MTOR: variants seen among roughly 807,000 people sequenced by gnomAD.
The protein encoded by MTOR is mechanistic target of rapamycin kinase.
MTOR carries 70 observed loss-of-function variants against 319.8 expected under a neutral mutation model. The ratio of observed to expected loss-of-function variants is 0.22; its 90% CI spans 0.18 to 0.27. The LOEUF is 0.27. Ranked by LOEUF, MTOR falls within the 10% of genes least tolerant of loss-of-function variation. The pLI, the probability that MTOR is intolerant of heterozygous loss-of-function variation, is 1.00. For synonymous variants in MTOR, 1,183 were observed against 1,211.4 expected (o/e 0.98, Z 0.49); for missense variants, 1,890 against 3,274.4 (o/e 0.58, Z 10.32).
intron 28 of MTOR, among the ~76,000 whole-genome samples, chr1:11,192,981 G>C (rs1645609913): frequency 6.6e-6 from 1 of 151,868 alleles, no homozygotes; most frequent in Non-Finnish European, 1.5e-5. Context: ...CTATTCCTTG[G>C]GGGAGGAGAA....
intron 47 of MTOR, among the ~76,000 whole-genome samples, chr1:11,124,222 G>T (rs1642697146): frequency 1.3e-5 from 2 of 152,278 alleles, no homozygotes; most frequent in African/African-American, 4.8e-5. Flanking sequence ...GAGCCACCAT[G>T]CCCAGCCTTT....
intron 19 of MTOR, among the ~76,000 whole-genome samples, chr1:11,222,189 A>ATT (rs200151601): frequency 6.8e-6 from 1 of 146,762 alleles, no homozygotes; most frequent in African/African-American, 2.6e-5. Context: ...TTTAAAATTT[A>ATT]TTTAAAAAAA....
At chr1:11,214,577 A>G (rs1305479036) in intron 20 of MTOR, among the ~76,000 whole-genome samples, 2 of 152,276 alleles carry the variant, frequency 1.3e-5, no homozygotes, top group East Asian at 1.9e-4. Flanking sequence ...GTAGAAGTCC[A>G]TAACAACAAG....
intron 19 of MTOR, among the ~76,000 whole-genome samples, chr1:11,225,197 GTAAA>G (rs931090253): frequency 2.0e-5 from 3 of 151,918 alleles, no homozygotes; most frequent in African/African-American, 4.8e-5. Context: ...TATCTGACTT[GTAAA>G]TAAATAAATA....
intron 38 of MTOR, 93 bp from the exon 39 acceptor site, chr1:11,130,870 C>T (rs1243822402): frequency 6.9e-7 from 1 of 1,444,506 alleles, no homozygotes; most frequent in Non-Finnish European, 9.2e-7. Context: ...AACAGCTGCT[C>T]CTGCCTGTTC....
rs560957442 is a variant in MTOR, at chr1:11,221,350, A to G, written c.3031-5116T>C. 8.2e-4 allele frequency among the ~76,000 whole-genome samples: 124 copies of G among 152,134 alleles called. 1 individual carries two copies. Among genetic ancestry groups the G allele is most frequent in the African/African-American group, 2.8e-3 (118 of 41,544 alleles). ...AAAAATTGAAAATAAACAGAAACAA[A>G]TGAGTATAACTATAAGCCAAGTTGG... On this transcript the variant is annotated intron_variant, in intron 19 of 57. Coordinates refer to ENST00000361445, the MANE Select transcript of MTOR (RefSeq NM_004958.4).
chr1:11,207,898 A>T (rs1461857147), intron 25 of MTOR, among the ~76,000 whole-genome samples: 1 of 152,118 alleles, frequency 6.6e-6, no homozygotes, highest in Admixed American at 6.6e-5. Context: ...ATAAACTAAG[A>T]GTCTTTCTTT....
At chr1:11,172,201 T>C (rs1241074791) in intron 28 of MTOR, among the ~76,000 whole-genome samples, 1 of 152,042 alleles carries the variant, frequency 6.6e-6, no homozygotes, top group Non-Finnish European at 1.5e-5. Flanking sequence ...CCATTAAACT[T>C]GGGGGTGCAC....
In MTOR at chr1:11,150,349, C is replaced by A. The variant is rs1644097387; in HGVS notation, c.4470-123G>T. On this transcript the variant is annotated intron_variant, in intron 30 of 57. Coordinates refer to ENST00000361445, the MANE Select transcript of MTOR (RefSeq NM_004958.4). Reference sequence around the variant, plus strand: ...ACTGGACACCTTTAATAAAAAAGCACATTCTACTAGGTCACATAATAGAGA... The same window carrying A: ...ACTGGACACCTTTAATAAAAAAGCAAATTCTACTAGGTCACATAATAGAGA... 4 of 714,758 alleles carry A rather than the reference C, an allele frequency of 5.6e-6. No homozygotes were observed. The Admixed American group carries it at 7.5e-5, about 13-fold the overall frequency. 44.3% of individuals were successfully genotyped at this position (714,758 alleles called of 1,614,324 possible). A position where few individuals can be genotyped will look rare whatever the true frequency, so the allele number is the denominator to read the frequency against.
intron 19 of MTOR, among the ~76,000 whole-genome samples, chr1:11,227,481 T>C (rs1451490299): frequency 6.6e-6 from 1 of 152,134 alleles, no homozygotes; most frequent in African/African-American, 2.4e-5. Context: ...AAGTAACTAA[T>C]TGAGGTATCT....
chr1:11,150,547 C>T (rs887154753), intron 30 of MTOR, among the ~76,000 whole-genome samples: 2 of 152,142 alleles, frequency 1.3e-5, no homozygotes, highest in African/African-American at 4.8e-5. Context: ...GGGCTCTTTC[C>T]CTTTGGCAGG....
At chr1:11,246,834 T>C (rs1230539321) in intron 8 of MTOR, among the ~76,000 whole-genome samples, 1 of 152,224 alleles carries the variant, frequency 6.6e-6, no homozygotes, top group Non-Finnish European at 1.5e-5. Context: ...TAGAGCATTA[T>C]AAATTTTACC....
chr1:11,113,306 G>C (rs2100307442), intron 53 of MTOR, among the ~76,000 whole-genome samples: 1 of 152,274 alleles, frequency 6.6e-6, no homozygotes, highest in South Asian at 2.1e-4. Context: ...TCTATATAAA[G>C]CCCAGAGAAA....
chr1:11,248,828 A>G (rs1569804361), intron 6 of MTOR, among the ~76,000 whole-genome samples: 1 of 152,254 alleles, frequency 6.6e-6, no homozygotes, highest in African/African-American at 2.4e-5. Flanking sequence ...ACAAAAAACA[A>G]AAACTTAACC....
intron 36 of MTOR, among the ~76,000 whole-genome samples, chr1:11,137,152 TAAAAA>T (rs33927011): frequency 1.5e-3 from 110 of 73,350 alleles, no homozygotes; most frequent in Non-Finnish European, 1.9e-3. Flanking sequence ...TAAATCTGAT[TAAAAA>T]AAAAAAAAAA....
Position 11,115,538 on chromosome 1 carries a change from T to C in MTOR, c.7017-70A>G. On this transcript the variant is annotated intron_variant, in intron 50 of 57. Transcript: ENST00000361445. This position sits in a 1 kb window ranked among gnomAD's most constrained non-coding sequence, Gnocchi z 4.5. ...ACGGATGAAAAAATCAATAAGTACG[T>C]GATACTGTAAGCTAGGAGTTGGCAA... 1 of 1,448,052 alleles carries C rather than the reference T, an allele frequency of 6.9e-7. No homozygotes were observed. The highest frequency in any genetic ancestry group is 9.7e-7 in the Non-Finnish European group (1 of 1,029,998). 89.7% of individuals were successfully genotyped at this position (1,448,052 alleles called of 1,614,324 possible). A position where few individuals can be genotyped will look rare whatever the true frequency, so the allele number is the denominator to read the frequency against.
At chr1:11,250,252 G>A (rs1649484537) in intron 6 of MTOR, among the ~76,000 whole-genome samples, 1 of 138,526 alleles carries the variant, frequency 7.2e-6, no homozygotes, top group African/African-American at 2.9e-5. Context: ...CCCGGACGGG[G>A]CGGCTGGCCG....
chr1:11,154,963 A>G (rs1490194811), intron 30 of MTOR, among the ~76,000 whole-genome samples: 1 of 152,220 alleles, frequency 6.6e-6, no homozygotes, highest in Non-Finnish European at 1.5e-5. Context: ...CCTAGACTGC[A>G]CTGTGAGACT....
In MTOR at chr1:11,167,465, C is replaced by A; in HGVS notation, c.4306G>T (p.Ala1436Ser). ...PEAAAGVLEYAMKHFGELEIQ... is the reference protein window; with the variant it reads ...PEAAAGVLEYSMKHFGELEIQ... Reference sequence around the variant, plus strand: ...ACCAGCTCTCCAAAGTGTTTCATGGCATATTCTAACACTCCGGCCGCTGCC... The same window carrying A: ...ACCAGCTCTCCAAAGTGTTTCATGGAATATTCTAACACTCCGGCCGCTGCC... The change falls in exon 29 of 58, where the codon GCC becomes TCC. Residue 1436 changes from alanine (A) to serine (S), a missense_variant. This residue lies in a region of MTOR where 45 missense variants were observed against 107.2 expected (regional missense o/e 0.42). Transcript: ENST00000361445. 1 of 1,613,534 alleles carries A rather than the reference C, an allele frequency of 6.2e-7. No homozygotes were observed. The highest frequency in any genetic ancestry group is 8.5e-7 in the Non-Finnish European group (1 of 1,179,762).
Sources: gnomAD v4.1 joint callset for allele counts (sites outside exome capture counted in the v4.1 genomes callset) on GRCh38, gnomAD v4.1.1 for gene constraint, gnomAD v4.1.1 regional missense constraint, Gnocchi (gnomAD v3.1) non-coding constraint, MANE v1.5 for transcripts, NCBI Gene and HGNC (gene_info 2026-07-23, HGNC 2026-07-21) for gene names.